RIMS1: variants seen among roughly 807,000 people sequenced by gnomAD.
RIMS1 encodes the protein regulating synaptic membrane exocytosis 1, also known as regulating synaptic membrane exocytosis protein 1.
RIMS1 carries 83 observed loss-of-function variants against 214.1 expected under a neutral mutation model. The observed-to-expected ratio is 0.39, with a 90% CI of 0.32 to 0.47. The LOEUF (loss-of-function observed/expected upper bound fraction) is 0.47. Among genes scored for constraint, RIMS1 ranks in the 20% least tolerant of loss-of-function variants. The pLI, the probability that RIMS1 is intolerant of heterozygous loss-of-function variation, is 0.99. For synonymous variants in RIMS1, 793 were observed against 786.8 expected (o/e 1.01, Z -0.13); for missense variants, 2,050 against 2,161.8 (o/e 0.95, Z 1.03).
At chr6:72,380,473 T>C (rs1463668917) in intron 29 of RIMS1, among the ~76,000 whole-genome samples, 2 of 152,204 alleles carry the variant, frequency 1.3e-5, no homozygotes, top group Non-Finnish European at 2.9e-5. Flanking sequence ...TTTATTATTA[T>C]AGTCAGGGTG....
At chr6:72,086,274 C>G (rs937966060) in intron 2 of RIMS1, among the ~76,000 whole-genome samples, 9 of 152,190 alleles carry the variant, frequency 5.9e-5, no homozygotes, top group Middle Eastern at 3.4e-3. Context: ...CCTGTATGCT[C>G]ATATCTAGAA....
intron 6 of RIMS1, among the ~76,000 whole-genome samples, chr6:72,210,379 C>T (rs967296919): frequency 4.6e-5 from 7 of 152,134 alleles, no homozygotes; most frequent in East Asian, 3.8e-4. Flanking sequence ...TTTCTGGTAA[C>T]GTGCCTTGTT....
At chr6:72,193,353 C>T (rs1385019945) in intron 6 of RIMS1, among the ~76,000 whole-genome samples, 2 of 152,166 alleles carry the variant, frequency 1.3e-5, no homozygotes, top group African/African-American at 4.8e-5. Context: ...TAAAGACAAC[C>T]TGGTTCCTCT....
intron 1 of RIMS1, among the ~76,000 whole-genome samples, chr6:71,958,526 G>A (rs1353520202): frequency 6.6e-6 from 1 of 152,078 alleles, no homozygotes; most frequent in East Asian, 1.9e-4. Context: ...AATGGGAGAA[G>A]TGGTCAGGTA....
intron 2 of RIMS1, among the ~76,000 whole-genome samples, chr6:72,006,871 C>T: frequency 6.6e-6 from 1 of 152,222 alleles, no homozygotes; most frequent in East Asian, 1.9e-4. Flanking sequence ...GGAGGTCTGC[C>T]TGCCTTTGTA....
intron 26 of RIMS1, among the ~76,000 whole-genome samples, chr6:72,292,945 A>G (rs538014356): frequency 2.0e-5 from 3 of 152,194 alleles, no homozygotes; most frequent in Admixed American, 2.0e-4. Context: ...ATTGTTGCTG[A>G]TGGAAAACTT....
intron 1 of RIMS1, among the ~76,000 whole-genome samples, chr6:71,959,546 G>T (rs1041339389): frequency 4.0e-5 from 6 of 151,822 alleles, no homozygotes; most frequent in Non-Finnish European, 8.8e-5. Context: ...AATAGCTCTG[G>T]CAATTATCCT....
chr6:72,192,207 C>G (rs1490545825), intron 6 of RIMS1, among the ~76,000 whole-genome samples: 1 of 152,200 alleles, frequency 6.6e-6, no homozygotes, highest in South Asian at 2.1e-4. Flanking sequence ...TAAGCCCTTA[C>G]TTAAACTGGA....
At chr6:72,142,202 G>C (rs1758317163) in intron 4 of RIMS1, among the ~76,000 whole-genome samples, 1 of 151,640 alleles carries the variant, frequency 6.6e-6, no homozygotes, top group Admixed American at 6.6e-5. Context: ...AAAATCATTG[G>C]GTTAACCATT....
chr6:72,320,506 C>G (rs569221138), intron 28 of RIMS1, among the ~76,000 whole-genome samples: 3 of 152,132 alleles, frequency 2.0e-5, no homozygotes, highest in Admixed American at 2.0e-4. Flanking sequence ...AGATGTGGTT[C>G]TACTTCTCTA....
chr6:72,083,395 T>C (rs1386892124), intron 2 of RIMS1, among the ~76,000 whole-genome samples: 1 of 152,100 alleles, frequency 6.6e-6, no homozygotes, highest in Non-Finnish European at 1.5e-5. Flanking sequence ...TCAGACAAAA[T>C]TACACGTGTT....
At chr6:72,360,078 A>T (rs1265417381) in intron 29 of RIMS1, among the ~76,000 whole-genome samples, 1 of 152,192 alleles carries the variant, frequency 6.6e-6, no homozygotes, top group Non-Finnish European at 1.5e-5. Context: ...AAAATTTACA[A>T]GTCAGAGTTT....
At chr6:71,964,420 AG>A (rs1680991703) in intron 1 of RIMS1, among the ~76,000 whole-genome samples, 1 of 152,196 alleles carries the variant, frequency 6.6e-6, no homozygotes, top group African/African-American at 2.4e-5. Context: ...GGAGAACAAT[AG>A]TAAATGCTGG....
At chr6:72,102,613 GA>G (rs1222554776) in intron 4 of RIMS1, among the ~76,000 whole-genome samples, 1 of 151,918 alleles carries the variant, frequency 6.6e-6, no homozygotes, top group Non-Finnish European at 1.5e-5. Flanking sequence ...TAAAAGGTGG[GA>G]ATTGGCTTGG....
intron 1 of RIMS1, among the ~76,000 whole-genome samples, chr6:71,897,231 A>T (rs1772064078): frequency 6.6e-6 from 1 of 152,106 alleles, no homozygotes; most frequent in African/African-American, 2.4e-5. Context: ...TCTCTTCAGT[A>T]CTTATCTGGA....
intron 2 of RIMS1, among the ~76,000 whole-genome samples, chr6:71,992,746 A>G (rs535074307): frequency 1.3e-5 from 2 of 151,820 alleles, no homozygotes; most frequent in African/African-American, 4.8e-5. Flanking sequence ...TGCAGCTTCA[A>G]CCTCCTGGGC....
chr6:72,194,547 A>G (rs375839022), intron 6 of RIMS1, among the ~76,000 whole-genome samples: 1 of 152,156 alleles, frequency 6.6e-6, no homozygotes, highest in African/African-American at 2.4e-5. Context: ...AGAAAAATAA[A>G]CAATAAGGAA....
At chr6:72,094,895 G>A (rs2030814185) in intron 2 of RIMS1, among the ~76,000 whole-genome samples, 2 of 151,392 alleles carry the variant, frequency 1.3e-5, no homozygotes, top group Non-Finnish European at 2.9e-5. Flanking sequence ...TCTGCTTAGA[G>A]TTTCCTTGGT....
At chr6:72,113,317 C>T (rs1210714004) in intron 4 of RIMS1, among the ~76,000 whole-genome samples, 1 of 152,084 alleles carries the variant, frequency 6.6e-6, no homozygotes, top group Non-Finnish European at 1.5e-5. Context: ...GTATGACTTC[C>T]AAAATTTTCT....
Sources: gnomAD v4.1 joint callset for allele counts (sites outside exome capture counted in the v4.1 genomes callset) on GRCh38, gnomAD v4.1.1 for gene constraint, MANE v1.5 for transcripts, NCBI Gene and HGNC (gene_info 2026-07-23, HGNC 2026-07-21) for gene names.